Variants in ENTREP2 observed in about 807,000 individuals in gnomAD.
The protein encoded by ENTREP2 is protein ENTREP2.
the ENTREP2 span, among the ~76,000 whole-genome samples, chr15:29,139,596 GC>G: frequency 4.6e-5 from 7 of 152,208 alleles, no homozygotes. Context: ...AGGAGAACAA[GC>G]ATTTGAGGAG....
At chr15:29,613,215 A>T in the ENTREP2 span, 1 of 165,772 alleles carries the variant, frequency 6.0e-6, no homozygotes, top group Non-Finnish European at 1.3e-5. Context: ...TGCAATAAAA[A>T]GCGTTTCTTT....
the ENTREP2 span, among the ~76,000 whole-genome samples, chr15:29,349,242 T>TA: frequency 2.6e-5 from 4 of 151,820 alleles, no homozygotes; most frequent in Non-Finnish European, 5.9e-5. Flanking sequence ...TTACTCGCAT[T>TA]AAAAAAAATA....
the ENTREP2 span, among the ~76,000 whole-genome samples, chr15:29,140,825 C>T: frequency 6.6e-6 from 1 of 152,198 alleles, no homozygotes; most frequent in African/African-American, 2.4e-5. Context: ...TGAACAGTCC[C>T]TTCTTTCCCA....
chr15:29,546,356 G>C, the ENTREP2 span, among the ~76,000 whole-genome samples: 1 of 152,112 alleles, frequency 6.6e-6, no homozygotes, highest in Non-Finnish European at 1.5e-5. Context: ...AAGTGCTGGA[G>C]CCAGTATAAA....
chr15:29,353,619 T>TA, the ENTREP2 span, among the ~76,000 whole-genome samples: 1 of 152,222 alleles, frequency 6.6e-6, no homozygotes, highest in Non-Finnish European at 1.5e-5. Context: ...ATTTAGTCAT[T>TA]ACAACAACCT....
chr15:29,474,320 C>T, the ENTREP2 span, among the ~76,000 whole-genome samples: 11 of 152,250 alleles, frequency 7.2e-5, no homozygotes, highest in South Asian at 2.1e-4. Flanking sequence ...AGAAAGGCTG[C>T]GCCCGGCGTC....
the ENTREP2 span, among the ~76,000 whole-genome samples, chr15:29,205,130 T>C: frequency 2.0e-5 from 3 of 152,248 alleles, no homozygotes; most frequent in African/African-American, 4.8e-5. Flanking sequence ...GGTTCATCCA[T>C]GTGGTAGCAC....
chr15:29,260,699 C>T, the ENTREP2 span, among the ~76,000 whole-genome samples: 35 of 152,118 alleles, frequency 2.3e-4, 1 homozygote, highest in South Asian at 8.3e-4. Flanking sequence ...GGGATACAGA[C>T]GAAATAAGAT....
At chr15:29,247,008 C>CACAT in the ENTREP2 span, among the ~76,000 whole-genome samples, 1 of 151,776 alleles carries the variant, frequency 6.6e-6, no homozygotes, top group East Asian at 1.9e-4. Flanking sequence ...CACACACACA[C>CACAT]ACACACGCAA....
the ENTREP2 span, among the ~76,000 whole-genome samples, chr15:29,311,767 A>G: frequency 6.6e-6 from 1 of 152,202 alleles, no homozygotes; most frequent in Non-Finnish European, 1.5e-5. Flanking sequence ...ATTACACACT[A>G]TATTGTAGGC....
At chr15:29,199,020 T>C in the ENTREP2 span, among the ~76,000 whole-genome samples, 5 of 152,276 alleles carry the variant, frequency 3.3e-5, no homozygotes, top group Admixed American at 6.5e-5. Context: ...GGATTGTTGC[T>C]AATTTTTTTG....
At chr15:29,158,221 C>T in the ENTREP2 span, among the ~76,000 whole-genome samples, 5 of 152,260 alleles carry the variant, frequency 3.3e-5, no homozygotes, top group Non-Finnish European at 7.3e-5. Context: ...TGTTTGCATA[C>T]GCATCATGAG....
the ENTREP2 span, among the ~76,000 whole-genome samples, chr15:29,202,441 A>C: frequency 6.6e-6 from 1 of 152,048 alleles, no homozygotes; most frequent in Non-Finnish European, 1.5e-5. Context: ...GATTGAATCA[A>C]GCTAATTCAC....
the ENTREP2 span, among the ~76,000 whole-genome samples, chr15:29,337,502 C>T: frequency 6.6e-6 from 1 of 152,126 alleles, no homozygotes; most frequent in East Asian, 1.9e-4. Flanking sequence ...TGACTGGTTA[C>T]AGTGAGATTG....
At chr15:29,203,165 G>C in the ENTREP2 span, among the ~76,000 whole-genome samples, 1 of 152,354 alleles carries the variant, frequency 6.6e-6, no homozygotes, top group South Asian at 2.1e-4. Context: ...TACTTTGGGA[G>C]GCCGAGGCAG....
the ENTREP2 span, among the ~76,000 whole-genome samples, chr15:29,175,736 C>G: frequency 6.6e-6 from 1 of 152,230 alleles, no homozygotes. Context: ...TGCTGAGTAG[C>G]TGAGATTACA....
the ENTREP2 span, among the ~76,000 whole-genome samples, chr15:29,283,546 G>A: frequency 6.6e-6 from 1 of 152,100 alleles, no homozygotes; most frequent in Non-Finnish European, 1.5e-5. Context: ...GCCTGGGGGG[G>A]ATTTTAGCTA....
the ENTREP2 span, among the ~76,000 whole-genome samples, chr15:29,391,521 T>C: frequency 6.6e-6 from 1 of 152,144 alleles, no homozygotes; most frequent in African/African-American, 2.4e-5. Flanking sequence ...TCTAAATAAC[T>C]CATGAGTCAA....
the ENTREP2 span, among the ~76,000 whole-genome samples, chr15:29,431,460 AAATT>A: frequency 6.6e-5 from 10 of 151,946 alleles, no homozygotes; most frequent in South Asian, 2.1e-4. Context: ...AATTATATTT[AAATT>A]AATTAAAAAT....
Sources: allele counts gnomAD v4.1 joint callset (sites outside exome capture counted in the v4.1 genomes callset), GRCh38; gene constraint gnomAD v4.1.1; transcripts MANE v1.5; gene names NCBI Gene and HGNC (gene_info 2026-07-23, HGNC 2026-07-21).